The following SAMD13 variants were observed in gnomAD, a reference collection of about 807,000 sequenced individuals.
SAMD13 encodes the protein sterile alpha motif domain containing 13, also known as sterile alpha motif domain-containing protein 13.
SAMD13 carries 9 observed loss-of-function variants against 12.4 expected under a neutral mutation model. That is an observed-to-expected ratio of 0.72 (90% CI 0.44 to 1.26). SAMD13 has a LOEUF of 1.26. Among genes scored for constraint, SAMD13 ranks in the 50% most tolerant of loss-of-function variants. The probability of loss-of-function intolerance (pLI) is 0.00; values close to 1 mark genes in which losing one functional copy is unlikely to be tolerated. For synonymous variants in SAMD13, 46 were observed against 45.4 expected, an observed-to-expected ratio of 1.01 and a Z score of -0.05; for missense variants, 84 against 119.6, an observed-to-expected ratio of 0.70 and a Z score of 1.39.
upstream of SAMD13, among the ~76,000 whole-genome samples, chr1:84,300,605 A>G (rs1212526783): frequency 6.6e-6 from 1 of 152,162 alleles, no homozygotes; most frequent in East Asian, 1.9e-4. Flanking sequence ...GGTTTTGTTG[A>G]CCATCTTGAC....
chr1:84,299,044 T>A (rs1678379640), upstream of SAMD13, among the ~76,000 whole-genome samples: 2 of 152,214 alleles, frequency 1.3e-5, no homozygotes, highest in South Asian at 4.2e-4. Context: ...AGAGGCAGCC[T>A]GGCGTCTTCT....
At chr1:84,298,561 C>CG, upstream of SAMD13, 2 of 1,277,736 alleles carry the variant, frequency 1.6e-6, no homozygotes, top group Non-Finnish European at 2.0e-6. Flanking sequence ...CGCGGCCATG[C>CG]GGGGAGGTAA....
chr1:84,339,824 A>G (rs527853157), intron 3 of SAMD13, among the ~76,000 whole-genome samples: 5 of 152,312 alleles, frequency 3.3e-5, no homozygotes, highest in African/African-American at 7.2e-5. Flanking sequence ...GGAGACATCC[A>G]GACTTACTCA....
chr1:84,315,295 A>G (rs977113194), intron 2 of SAMD13, among the ~76,000 whole-genome samples: 1 of 151,978 alleles, frequency 6.6e-6, no homozygotes, highest in Non-Finnish European at 1.5e-5. Flanking sequence ...CTTTGCTTCT[A>G]TGAGTTTATT....
chr1:84,348,678 C>T (rs1679585192), intron 3 of SAMD13, among the ~76,000 whole-genome samples: 2 of 152,200 alleles, frequency 1.3e-5, no homozygotes, highest in Admixed American at 6.5e-5. Flanking sequence ...ATCCCCATCT[C>T]TTTTGTGAGA....
chr1:84,327,801 G>A (rs553655548), intron 3 of SAMD13, among the ~76,000 whole-genome samples: 73 of 152,252 alleles, frequency 4.8e-4, no homozygotes, highest in African/African-American at 1.8e-3. Flanking sequence ...TAGCATCTAG[G>A]TGTTCAGAAT....
chr1:84,323,617 T>G (rs1385954711), intron 2 of SAMD13, among the ~76,000 whole-genome samples: 2 of 152,138 alleles, frequency 1.3e-5, no homozygotes, highest in Non-Finnish European at 2.9e-5. Flanking sequence ...TTGGTTTTCT[T>G]AAATCAAATA....
intron 2 of SAMD13, among the ~76,000 whole-genome samples, chr1:84,310,254 A>T (rs1678679981): frequency 1.3e-5 from 2 of 152,238 alleles, no homozygotes; most frequent in Admixed American, 1.3e-4. Context: ...TGTGTACTTT[A>T]CACTTATAGT....
At chr1:84,346,800 C>T (rs566626754) in intron 3 of SAMD13, among the ~76,000 whole-genome samples, 11 of 152,144 alleles carry the variant, frequency 7.2e-5, no homozygotes, top group Non-Finnish European at 1.2e-4. Flanking sequence ...TTTTATGAAA[C>T]GAATGTTTTA....
chr1:84,349,975 C>T lies in SAMD13; in HGVS notation c.*201C>T. ...AGGAGGAGCAAGGACAAGATGCGCA[C>T]AGGGTGGTTTTCCTCATGGATTTTG... On this transcript the variant is annotated 3_prime_UTR_variant, in exon 4 of 4. Transcript: ENST00000394834. The T allele has an allele frequency of 8.3e-7, 1 of 1,199,626 alleles. No individual in the cohort carries two copies. Among genetic ancestry groups the T allele is most frequent in the Admixed American group, 3.6e-5 (1 of 28,156 alleles). The allele number at this position is 1,199,626 out of a possible 1,614,324, so 74.3% of individuals were successfully genotyped here. A position where few individuals can be genotyped will look rare whatever the true frequency, so the allele number is the denominator to read the frequency against.
At chr1:84,348,226 A>G (rs1204687937) in intron 3 of SAMD13, among the ~76,000 whole-genome samples, 1 of 152,182 alleles carries the variant, frequency 6.6e-6, no homozygotes, top group Non-Finnish European at 1.5e-5. Context: ...AGAGAAGAGA[A>G]GGGACTTGCC....
chr1:84,303,219 AC>A lies in SAMD13; in HGVS notation c.-13del, dbSNP rs747807627. 3 of 1,612,752 alleles carry A rather than the reference AC, an allele frequency of 1.9e-6. No homozygotes were observed. The highest frequency in any genetic ancestry group is 3.3e-5 in the Admixed American group (2 of 59,954). On this transcript the variant is annotated 5_prime_UTR_variant, in exon 2 of 4. Coordinates refer to ENST00000394834, the MANE Select transcript of SAMD13 (RefSeq NM_001134663.2). ...ATTGATTAGTTGCTGAAGTAAAGGAACCCTGCAGCCTTCCCATGCTATCTGT... is the reference window on the plus strand; with the variant it reads ...ATTGATTAGTTGCTGAAGTAAAGGAACCTGCAGCCTTCCCATGCTATCTGT...
intron 3 of SAMD13, among the ~76,000 whole-genome samples, chr1:84,347,248 G>C (rs1558467461): frequency 6.6e-6 from 1 of 152,258 alleles, no homozygotes; most frequent in East Asian, 1.9e-4. Flanking sequence ...GGAATGTTTG[G>C]TTGTATGTAT....
chr1:84,333,633 G>C (rs535573016), intron 3 of SAMD13, among the ~76,000 whole-genome samples: 1 of 152,004 alleles, frequency 6.6e-6, no homozygotes, highest in African/African-American at 2.4e-5. Flanking sequence ...GAGACTATGG[G>C]GTTTTCTAGG....
At chr1:84,335,645 G>A (rs1679275266) in intron 3 of SAMD13, among the ~76,000 whole-genome samples, 1 of 152,152 alleles carries the variant, frequency 6.6e-6, no homozygotes, top group Non-Finnish European at 1.5e-5. Context: ...GTGTCAGTGG[G>A]TCTATGTACT....
intron 2 of SAMD13, among the ~76,000 whole-genome samples, chr1:84,313,143 A>T (rs1046061915): frequency 1.3e-5 from 2 of 152,194 alleles, no homozygotes; most frequent in African/African-American, 4.8e-5. Context: ...CTATGTATCC[A>T]CATGTATACA....
intron 2 of SAMD13, among the ~76,000 whole-genome samples, chr1:84,311,120 G>T (rs1678699946): frequency 6.6e-6 from 1 of 152,022 alleles, no homozygotes; most frequent in South Asian, 2.1e-4. Context: ...CAGATCACTT[G>T]AGGTCAGGAG....
chr1:84,326,280 C>T (rs1274492398), intron 3 of SAMD13, among the ~76,000 whole-genome samples: 2 of 152,140 alleles, frequency 1.3e-5, no homozygotes. Flanking sequence ...GTTACTATGT[C>T]TCTCTGAGTC....
intron 2 of SAMD13, among the ~76,000 whole-genome samples, chr1:84,315,733 T>C (rs140654784): frequency 1.3e-5 from 2 of 152,354 alleles, no homozygotes; most frequent in East Asian, 3.9e-4. Context: ...ATAAATACTC[T>C]GAAGTGGGAT....
Sources: gnomAD v4.1 joint callset for allele counts (sites outside exome capture counted in the v4.1 genomes callset) on GRCh38, gnomAD v4.1.1 for gene constraint, MANE v1.5 for transcripts, NCBI Gene and HGNC (gene_info 2026-07-23, HGNC 2026-07-21) for gene names.